Variants in PYGO1 observed in about 807,000 individuals in gnomAD.
The protein encoded by PYGO1 is pygopus homolog 1.
A neutral mutation model predicts 29.5 loss-of-function variants in PYGO1; 6 were observed. The observed-to-expected ratio is 0.20, with a 90% confidence interval of 0.11 to 0.40. The LOEUF (loss-of-function observed/expected upper bound fraction) is 0.40, where lower values mean the gene tolerates loss of function less well. PYGO1 is among the 10% of genes least tolerant of loss of function. PYGO1 has a pLI of 1.00. For synonymous variants in PYGO1, 186 were observed against 180.5 expected, an observed-to-expected ratio of 1.03 and a Z score of -0.24; for missense variants, 515 against 514.9, an observed-to-expected ratio of 1.00 and a Z score of 0.00.
At chr15:55,575,663 A>G (rs780772003) in intron 1 of PYGO1, among the ~76,000 whole-genome samples, 4 of 152,184 alleles carry the variant, frequency 2.6e-5, no homozygotes, top group Non-Finnish European at 5.9e-5. Context: ...GATGTCTACT[A>G]TCCTGCATTG....
intron 1 of PYGO1, among the ~76,000 whole-genome samples, chr15:55,551,066 T>G (rs1454174071): frequency 6.6e-6 from 1 of 152,188 alleles, no homozygotes; most frequent in African/African-American, 2.4e-5. Context: ...GCTGCTGATC[T>G]GTCAGGAGGC....
At chr15:55,550,146 A>G (rs969213261) in intron 1 of PYGO1, among the ~76,000 whole-genome samples, 12 of 152,188 alleles carry the variant, frequency 7.9e-5, no homozygotes, top group African/African-American at 2.2e-4. Flanking sequence ...TGTTCCATAG[A>G]TTACAACTGG....
rs2058855961 is a variant in PYGO1, at chr15:55,547,130, T to C, written c.153A>G (p.Pro51=). The part of the protein sequence containing the change: ...KANTQGPSFP[P]LSEYAPPPNP... ...TCGGTGGTGGAGCATACTCAGACAATGGAGGGAAAGAAGGTCCCTGAAATG... is the reference window on the plus strand; with the variant it reads ...TCGGTGGTGGAGCATACTCAGACAACGGAGGGAAAGAAGGTCCCTGAAATG... Residue 51 remains proline, a synonymous_variant, in exon 3 of 3, where the codon CCA becomes CCG. Transcript: ENST00000563719. 2.5e-6 allele frequency: 4 copies of C among 1,598,684 alleles called. No homozygotes were observed. The highest frequency in any genetic ancestry group is 1.7e-4 in the Middle Eastern group (1 of 6,034).
At chr15:55,568,446 G>A (rs748034844) in intron 1 of PYGO1, among the ~76,000 whole-genome samples, 2 of 151,064 alleles carry the variant, frequency 1.3e-5, no homozygotes, top group Non-Finnish European at 2.9e-5. Context: ...TTTGAACGTT[G>A]ATTTTGTATC....
intron 1 of PYGO1, among the ~76,000 whole-genome samples, chr15:55,555,782 C>T (rs1019727250): frequency 4.0e-5 from 6 of 151,844 alleles, no homozygotes; most frequent in Non-Finnish European, 5.9e-5. Flanking sequence ...CTCCGAAAGA[C>T]ACACCTCACA....
At chr15:55,569,388 A>G (rs1226001720) in intron 1 of PYGO1, among the ~76,000 whole-genome samples, 1 of 152,052 alleles carries the variant, frequency 6.6e-6, no homozygotes, top group Non-Finnish European at 1.5e-5. Flanking sequence ...CATTAATTTG[A>G]GATCTTTCTA....
rs959131603 is a variant in PYGO1 at position 55,548,956 on chromosome 15, A to G, written c.89T>C (p.Val30Ala). The G allele has an allele frequency of 1.9e-6, 3 of 1,612,840 alleles. No homozygotes were observed. The Admixed American group carries it at 5.0e-5, about 27-fold the overall frequency. ...TTTCTTATCTGGGCTTCCTAGTTGT[A>G]CACCTGGTCCTCCTAACCCATCCAG... Reference protein sequence around the residue: ...SGLDGLGGPGVQLGSPDKKKR... With the variant: ...SGLDGLGGPGAQLGSPDKKKR... Residue 30 changes from valine to alanine, a missense_variant, in exon 2 of 3, where the codon GTA becomes GCA. Physicochemically the swap from Val to Ala is moderately conservative, Grantham distance 64. Transcript: ENST00000563719.
At chr15:55,551,704 G>C (rs1339472656) in intron 1 of PYGO1, among the ~76,000 whole-genome samples, 1 of 152,116 alleles carries the variant, frequency 6.6e-6, no homozygotes. Context: ...CTACTCAGGA[G>C]GCTGAGGTGG....
chr15:55,564,323 A>C (rs2058946149), intron 1 of PYGO1, among the ~76,000 whole-genome samples: 1 of 152,226 alleles, frequency 6.6e-6, no homozygotes, highest in African/African-American at 2.4e-5. Context: ...ACAAAAAGCC[A>C]CATGTTGCAT....
At chr15:55,584,180 G>A (rs1051860864) in intron 1 of PYGO1, among the ~76,000 whole-genome samples, 6 of 147,922 alleles carry the variant, frequency 4.1e-5, no homozygotes, top group Admixed American at 6.9e-5. Context: ...GGAATGGTGC[G>A]ATCTCAGCTC....
intron 1 of PYGO1, among the ~76,000 whole-genome samples, chr15:55,584,163 C>A (rs955985283): frequency 2.1e-5 from 3 of 142,772 alleles, no homozygotes; most frequent in Non-Finnish European, 3.0e-5. Flanking sequence ...ATTGCCCAGG[C>A]GGGAGTGGAA....
At position 55,568,418 on chromosome 15, in the gene PYGO1, A is replaced by G. The variant is rs79509182; in HGVS notation, c.49+19417T>C. Among the ~76,000 whole-genome samples, 544 of 150,606 alleles carry G rather than the reference A, an allele frequency of 3.6e-3. 14 individuals are homozygous for G. In the East Asian group the frequency reaches 0.055, roughly 15 times the overall value. On this transcript the variant is annotated intron_variant, in intron 1 of 2. Coordinates refer to ENST00000563719, the MANE Select transcript of PYGO1 (RefSeq NM_001367806.1). ...CTCTCAGCTTGTATATTACTGGTAT[A>G]TTGAAATGGTACCAGTTTTTGAACG...
chr15:55,566,143 T>C (rs562116335), intron 1 of PYGO1, among the ~76,000 whole-genome samples: 2 of 152,222 alleles, frequency 1.3e-5, no homozygotes, highest in African/African-American at 2.4e-5. Context: ...CCTGGGTATA[T>C]TGTATGATGC....
In PYGO1 at chr15:55,548,959, C is replaced by G; in HGVS notation, c.86G>C (p.Gly29Ala). The G allele has an allele frequency of 6.2e-7, 1 of 1,612,522 alleles. No individual in the cohort carries two copies. The highest frequency in any genetic ancestry group is 1.1e-5 in the South Asian group (1 of 90,886). The change falls in exon 2 of 3, where the codon GGT (glycine) becomes GCT (alanine). Residue 29 changes from glycine to alanine, a missense_variant. Gly to Ala is a moderately conservative substitution (Grantham distance 60). Coordinates refer to ENST00000563719, the MANE Select transcript of PYGO1 (RefSeq NM_001367806.1). ...CTTATCTGGGCTTCCTAGTTGTACACCTGGTCCTCCTAACCCATCCAGTCC... is the reference window on the plus strand; with the variant it reads ...CTTATCTGGGCTTCCTAGTTGTACAGCTGGTCCTCCTAACCCATCCAGTCC... ...DSGLDGLGGPGVQLGSPDKKK... is the reference protein window; with the variant it reads ...DSGLDGLGGPAVQLGSPDKKK...
chr15:55,588,836 G>A (rs749163962), upstream of PYGO1: 4 of 1,613,944 alleles, frequency 2.5e-6, no homozygotes, highest in South Asian at 3.3e-5. Context: ...GGGAGCTGGA[G>A]AGTTCTCGGC....
intron 1 of PYGO1, among the ~76,000 whole-genome samples, chr15:55,581,451 T>C (rs557945659): frequency 3.1e-4 from 47 of 152,320 alleles, no homozygotes; most frequent in African/African-American, 1.0e-3. Context: ...GTTTGATTTT[T>C]ACTCTAAAGG....
At chr15:55,583,290 C>A (rs62021875) in intron 1 of PYGO1, among the ~76,000 whole-genome samples, 4,310 of 152,038 alleles carry the variant, frequency 0.028, 94 homozygotes, top group Non-Finnish European at 0.041. Flanking sequence ...GAATTATCCT[C>A]TTTCTGGTGC....
intron 1 of PYGO1, among the ~76,000 whole-genome samples, chr15:55,554,058 G>C (rs2058892155): frequency 6.6e-6 from 1 of 152,152 alleles, no homozygotes; most frequent in Non-Finnish European, 1.5e-5. Flanking sequence ...AGCAAAGGTA[G>C]ATAAGCCCAA....
At chr15:55,549,058 A>G (rs1318574862) in intron 1 of PYGO1, 63 bp from the exon 2 acceptor site, 1 of 1,241,482 alleles carries the variant, frequency 8.1e-7, no homozygotes. Flanking sequence ...TATATCTCAT[A>G]GTAATATCTA....
Sources: allele counts gnomAD v4.1 joint callset (sites outside exome capture counted in the v4.1 genomes callset), GRCh38; gene constraint gnomAD v4.1.1; transcripts MANE v1.5; gene names NCBI Gene and HGNC (gene_info 2026-07-23, HGNC 2026-07-21).